ACACB: variants seen among roughly 807,000 people sequenced by gnomAD.
ACACB encodes acetyl-CoA carboxylase 2.
Under a neutral mutation model 278.8 loss-of-function variants are expected in ACACB, and 209 were observed. The ratio of observed to expected loss-of-function variants is 0.75; its 90% CI spans 0.67 to 0.84. The LOEUF (loss-of-function observed/expected upper bound fraction) is 0.84, where lower values mean the gene tolerates loss of function less well. Ranked by LOEUF, ACACB falls within the 40% of genes least tolerant of loss-of-function variation. The probability of loss-of-function intolerance (pLI) is 0.00; values close to 1 mark genes in which losing one functional copy is unlikely to be tolerated. For synonymous variants in ACACB, 1,174 were observed against 1,285.6 expected (o/e 0.91, Z 1.86); for missense variants, 2,850 against 3,269.0 (o/e 0.87, Z 3.13).
rs965628770 is a variant in ACACB, at chr12:109,187,996, C to T, written c.1981-3C>T. 23 of 1,587,206 alleles carry T rather than the reference C, an allele frequency of 1.4e-5. No individual in the cohort carries two copies. Among genetic ancestry groups the T allele is most frequent in the East Asian group, 2.3e-5 (1 of 43,976 alleles). On this transcript the variant is annotated splice_region_variant and splice_polypyrimidine_tract_variant and intron_variant, in intron 12 of 52. Coordinates refer to ENST00000338432, the MANE Select transcript of ACACB (RefSeq NM_001093.4). ...CATTTTGCATTTTCTGTCCGGACTC[C>T]AGGGTTTTAAGCCGAGCTCCGGGAC...
rs76649388 is a variant in ACACB at position 109,146,238 on chromosome 12, A to G, written c.653+6180A>G. Among the ~76,000 whole-genome samples, 198 of 152,298 alleles carry G rather than the reference A, an allele frequency of 1.3e-3. 2 individuals are homozygous for G. Among genetic ancestry groups the G allele is most frequent in the African/African-American group, 4.7e-3 (194 of 41,580 alleles). ...TATTTGAGGGTTCTGACTCACGTGG[A>G]AGCCACAGTGAAGAAGTGACTTGTA... On this transcript the variant is annotated intron_variant, in intron 2 of 52. Coordinates refer to ENST00000338432, the MANE Select transcript of ACACB (RefSeq NM_001093.4).
intron 47 of ACACB, chr12:109,259,957 A>T: frequency 1.3e-6 from 1 of 746,612 alleles, no homozygotes. Flanking sequence ...AAAGGGGGTT[A>T]AGAACAGGAC....
chr12:109,252,196 G>T (rs200883155), intron 42 of ACACB, 40 bp downstream of exon 42: 3 of 1,414,392 alleles, frequency 2.1e-6, no homozygotes, highest in East Asian at 2.5e-5. Context: ...ATCCTTGGGG[G>T]CCAGGAGTCA....
intron 27 of ACACB, among the ~76,000 whole-genome samples, chr12:109,225,471 G>A (rs939989307): frequency 3.3e-5 from 5 of 152,188 alleles, no homozygotes; most frequent in Admixed American, 2.0e-4. Context: ...GGGCTCACGC[G>A]ATCCACCTGC....
Position 109,254,248 on chromosome 12 carries a change from C to T in ACACB, c.6080C>T (p.Thr2027Ile), listed in dbSNP as rs17848835. The part of the protein sequence containing the change: ...NHSPVPIITP[T>I]DPIDREIEFL... Reference sequence around the variant, plus strand: ...AGCCCTGTCCCTATCATCACACCCACTGACCCCATTGACAGAGAAATTGAA... The same window carrying T: ...AGCCCTGTCCCTATCATCACACCCATTGACCCCATTGACAGAGAAATTGAA... The change falls in exon 44 of 53, where the codon ACT becomes ATT. Residue 2027 changes from threonine (T) to isoleucine (I), a missense_variant. By Grantham distance (89) the Thr-to-Ile change is moderately conservative. Around this residue, in one of 3 missense-constraint regions of ACACB, gnomAD observed 579 missense variants for 684.6 expected, o/e 0.85. Coordinates refer to ENST00000338432, the MANE Select transcript of ACACB (RefSeq NM_001093.4). The T allele has an allele frequency of 0.1, 164,662 of 1,613,426 alleles. 9,085 individuals carry two copies. The highest frequency in any genetic ancestry group is 0.12 in the African/African-American group (9,090 of 74,974).
At chr12:109,204,832 A>G (rs1403242454) in intron 19 of ACACB, among the ~76,000 whole-genome samples, 3 of 151,888 alleles carry the variant, frequency 2.0e-5, no homozygotes, top group African/African-American at 7.3e-5. Flanking sequence ...TGTTGTTACA[A>G]TTCTTTTCAT....
chr12:109,156,831 TC>T (rs2043555452), intron 2 of ACACB, among the ~76,000 whole-genome samples: 2 of 152,104 alleles, frequency 1.3e-5, no homozygotes. Context: ...AGATGTCTTC[TC>T]AGTAACTCCA....
intron 1 of ACACB, among the ~76,000 whole-genome samples, chr12:109,122,526 T>TTG (rs1378896866): frequency 1.4e-5 from 2 of 145,336 alleles, no homozygotes; most frequent in Non-Finnish European, 3.0e-5. Flanking sequence ...TGAGCTATGA[T>TTG]TGTGCCACTG....
At chr12:109,199,588 C>T in intron 18 of ACACB, 36 bp downstream of exon 18, 1 of 1,389,940 alleles carries the variant, frequency 7.2e-7, no homozygotes, top group Non-Finnish European at 9.4e-7. Context: ...ATCCTGAACC[C>T]TCAAACTCCC....
intron 17 of ACACB, among the ~76,000 whole-genome samples, chr12:109,198,364 A>T: frequency 6.6e-6 from 1 of 152,222 alleles, no homozygotes. Flanking sequence ...GTATGTCAGT[A>T]AAAGGAACCA....
upstream of ACACB, chr12:109,113,399 GT>G (rs1388973193): frequency 6.6e-6 from 1 of 152,202 alleles, no homozygotes; most frequent in Non-Finnish European, 1.5e-5. Context: ...AATGATTCCT[GT>G]TTCCTCCCTT....
intron 45 of ACACB, 90 bp from the exon 46 acceptor site, chr12:109,258,178 C>T (rs2047280205): frequency 2.4e-6 from 2 of 840,958 alleles, no homozygotes; most frequent in Admixed American, 2.8e-5. Context: ...AGAGCATTCT[C>T]CTCCACGTGC....
chr12:109,166,192 G>A (rs530667677), intron 2 of ACACB, among the ~76,000 whole-genome samples: 12 of 152,126 alleles, frequency 7.9e-5, no homozygotes, highest in South Asian at 4.1e-4. Context: ...GTAACAAGTC[G>A]GAACGATTAG....
intron 21 of ACACB, among the ~76,000 whole-genome samples, chr12:109,210,244 T>TATACACACGTGTGTATATGTAC: frequency 2.5e-4 from 8 of 31,968 alleles, no homozygotes; most frequent in Non-Finnish European, 3.5e-4. Context: ...TATATATGTA[T>TATACACACGTGTGTATATGTAC]ATATACACAC....
At chr12:109,203,472 T>C (rs570381187) in intron 19 of ACACB, among the ~76,000 whole-genome samples, 1 of 152,350 alleles carries the variant, frequency 6.6e-6, no homozygotes, top group South Asian at 2.1e-4. Flanking sequence ...CTCACAAAGA[T>C]GATCTCACTG....
At chr12:109,139,279 T>C (rs1330860522) in intron 1 of ACACB, 118 bp from the exon 2 acceptor site, 15 of 923,010 alleles carry the variant, frequency 1.6e-5, no homozygotes, top group Middle Eastern at 3.2e-4. Context: ...ATCTCTCCCC[T>C]CGTCCAGTAT....
intron 6 of ACACB, among the ~76,000 whole-genome samples, chr12:109,172,952 TGTG>T (rs2044165957): frequency 6.6e-6 from 1 of 152,120 alleles, no homozygotes; most frequent in Non-Finnish European, 1.5e-5. Context: ...ATAAAGAAAA[TGTG>T]GTACATATAC....
rs200436371 is a variant in ACACB at position 109,238,561 on chromosome 12, T to TTA, written c.4662+1193_4662+1194dup. Among the ~76,000 whole-genome samples the TTA allele has an allele frequency of 1.4e-4, 21 of 145,954 alleles. No individual in the cohort carries two copies. The South Asian group carries it at 4.2e-3, about 29-fold the overall frequency. On this transcript the variant is annotated intron_variant, in intron 34 of 52. Coordinates refer to ENST00000338432, the MANE Select transcript of ACACB (RefSeq NM_001093.4). ...ATTTATATAAATGTATATATAATTATTATATATATATATTTTTTTGGAGAT... is the reference window on the plus strand; with the variant it reads ...ATTTATATAAATGTATATATAATTATTATATATATATATATTTTTTTGGAGAT...
intron 21 of ACACB, among the ~76,000 whole-genome samples, chr12:109,210,415 GTGTA>G: frequency 7.2e-6 from 1 of 138,028 alleles, no homozygotes; most frequent in Non-Finnish European, 1.5e-5. Flanking sequence ...GCACACACAT[GTGTA>G]TATATGTATA....
Sources: allele counts gnomAD v4.1 joint callset (sites outside exome capture counted in the v4.1 genomes callset), GRCh38; gene constraint gnomAD v4.1.1; regional missense constraint gnomAD v4.1.1; transcripts MANE v1.5; gene names NCBI Gene and HGNC (gene_info 2026-07-23, HGNC 2026-07-21).